Variants in TSC22D1 observed in about 807,000 individuals in gnomAD.
TSC22D1 encodes TSC22 domain family protein 1.
In TSC22D1, 9 loss-of-function variants were observed where a neutral mutation model predicts 74.2. That is an observed-to-expected ratio of 0.12 (90% CI 0.07 to 0.21). The LOEUF (loss-of-function observed/expected upper bound fraction) is 0.21, where lower values mean the gene tolerates loss of function less well. Ranked by LOEUF, TSC22D1 falls within the 10% of genes least tolerant of loss-of-function variation. TSC22D1 has a pLI of 1.00. For missense variants in TSC22D1, 1,427 were observed against 1,304.7 expected, an observed-to-expected ratio of 1.09 and a Z score of -1.44; for synonymous variants, 586 against 492.5, an observed-to-expected ratio of 1.19 and a Z score of -2.51.
chr13:44,539,430 T>C, intron 1 of TSC22D1: 1 of 985,340 alleles, frequency 1.0e-6, no homozygotes, highest in Non-Finnish European at 1.2e-6. Context: ...ACAGAACCTT[T>C]TAAATTACTT....
rs71070905 is a variant in TSC22D1, at chr13:44,444,278, C to CAAAAAAAA, written c.2913-8191_2913-8184dup. On this transcript the variant is annotated intron_variant, in intron 1 of 2. Coordinates refer to ENST00000458659, the MANE Select transcript of TSC22D1 (RefSeq NM_183422.4). Reference sequence around the variant, plus strand: ...TGGGGAACAGAGCAAGACTCTGTCTCAAAAAAAAAAAAAAAAAAAAAAAAA... The same window carrying CAAAAAAAA: ...TGGGGAACAGAGCAAGACTCTGTCTCAAAAAAAAAAAAAAAAAAAAAAAAAAAAAAAAA... Among the ~76,000 whole-genome samples, 126 of 17,582 alleles carry CAAAAAAAA rather than the reference C, an allele frequency of 7.2e-3. 3 individuals are homozygous for CAAAAAAAA. Among genetic ancestry groups the CAAAAAAAA allele is most frequent in the East Asian group, 0.011 (6 of 540 alleles). 11.5% of individuals were successfully genotyped at this position (17,582 alleles called of 152,430 possible). A position where few individuals can be genotyped will look rare whatever the true frequency, so the allele number is the denominator to read the frequency against.
At chr13:44,569,304 G>A (rs73465766) in intron 1 of TSC22D1, among the ~76,000 whole-genome samples, 2 of 145,478 alleles carry the variant, frequency 1.4e-5, no homozygotes, top group East Asian at 2.0e-4. Context: ...TGCTCCTAAC[G>A]AGCAGGCTAT....
intron 1 of TSC22D1, among the ~76,000 whole-genome samples, chr13:44,542,217 T>C (rs992048731): frequency 6.6e-6 from 1 of 152,024 alleles, no homozygotes; most frequent in Non-Finnish European, 1.5e-5. Flanking sequence ...TAATAATATA[T>C]AGGTGAGTGA....
intron 1 of TSC22D1, among the ~76,000 whole-genome samples, chr13:44,465,897 C>T (rs773917325): frequency 1.3e-5 from 2 of 152,148 alleles, no homozygotes; most frequent in East Asian, 1.9e-4. Context: ...CGCTTGAACC[C>T]AGGAGGCAGA....
At position 44,573,578 on chromosome 13, in the gene TSC22D1, T is replaced by C. The variant is rs1883936172; in HGVS notation, c.2497A>G (p.Thr833Ala). The C allele has an allele frequency of 6.2e-7, 1 of 1,614,212 alleles. No homozygotes were observed. Among genetic ancestry groups the C allele is most frequent in the Non-Finnish European group, 8.5e-7 (1 of 1,180,048 alleles). Residue 833 changes from threonine to alanine, a missense_variant, in exon 1 of 3, where the codon ACA becomes GCA. Thr to Ala is a moderately conservative substitution (Grantham distance 58). Around this residue, in one of 3 missense-constraint regions of TSC22D1, gnomAD observed 1,343 missense variants for 1,191.5 expected, o/e 1.13. Transcript: ENST00000458659. ...SLPSASSISV[T>A]SQVSSTGPSG... Reference sequence around the variant, plus strand: ...GGACCAGTTGAACTAACCTGACTTGTAACAGAAATACTACTAGCAGAGGGC... The same window carrying C: ...GGACCAGTTGAACTAACCTGACTTGCAACAGAAATACTACTAGCAGAGGGC...
intron 1 of TSC22D1, among the ~76,000 whole-genome samples, chr13:44,454,686 GTTAT>G (rs1876424771): frequency 6.6e-6 from 1 of 152,010 alleles, no homozygotes; most frequent in Non-Finnish European, 1.5e-5. Context: ...TATTCTACAC[GTTAT>G]GTATATTACC....
intron 1 of TSC22D1, among the ~76,000 whole-genome samples, chr13:44,524,839 C>T (rs767463454): frequency 2.6e-4 from 39 of 152,108 alleles, no homozygotes; most frequent in Non-Finnish European, 7.4e-5. Flanking sequence ...TGCCCAGCTA[C>T]TTCCATGATT....
At chr13:44,450,920 G>A (rs1876077713) in intron 1 of TSC22D1, among the ~76,000 whole-genome samples, 1 of 152,200 alleles carries the variant, frequency 6.6e-6, no homozygotes. Context: ...TGGGGCAGCC[G>A]TTTGGCATAG....
intron 1 of TSC22D1, chr13:44,436,656 GAAA>G (rs753938991): frequency 7.5e-6 from 12 of 1,594,140 alleles, no homozygotes; most frequent in Non-Finnish European, 1.0e-5. Context: ...CACCCTCGTG[GAAA>G]AAAAGAGGGA....
At chr13:44,556,159 T>C (rs962402484) in intron 1 of TSC22D1, among the ~76,000 whole-genome samples, 3 of 151,508 alleles carry the variant, frequency 2.0e-5, no homozygotes, top group African/African-American at 7.3e-5. Context: ...ATTGCTTCAA[T>C]AGCTCCAACA....
intron 1 of TSC22D1, among the ~76,000 whole-genome samples, chr13:44,558,370 G>T (rs115508984): frequency 7.9e-4 from 121 of 152,208 alleles, no homozygotes; most frequent in African/African-American, 2.7e-3. Context: ...ATAATCCTCA[G>T]GTCTCCCATG....
Position 44,433,884 on chromosome 13 carries a change from A to C in TSC22D1, c.*742T>G. On this transcript the variant is annotated 3_prime_UTR_variant, in exon 3 of 3. Transcript: ENST00000458659. Reference sequence around the variant, plus strand: ...TATATATAAAAGTCCACACCTCCTCAGACAGCCAATGAAACAACTAAATTT... The same window carrying C: ...TATATATAAAAGTCCACACCTCCTCCGACAGCCAATGAAACAACTAAATTT... 1 of 1,206,638 alleles carries C rather than the reference A, an allele frequency of 8.3e-7. No individual in the cohort carries two copies. The highest frequency in any genetic ancestry group is 1.5e-5 in the South Asian group (1 of 65,028). The allele number at this position is 1,206,638 out of a possible 1,614,324, so 74.7% of individuals were successfully genotyped here.
intron 1 of TSC22D1, among the ~76,000 whole-genome samples, chr13:44,487,553 T>C (rs1001724306): frequency 2.8e-5 from 4 of 141,582 alleles, no homozygotes; most frequent in Admixed American, 7.0e-5. Flanking sequence ...TTACCAGCCA[T>C]TCCTTTTATG....
At position 44,575,723 on chromosome 13, in the gene TSC22D1, G is replaced by C; in HGVS notation, c.352C>G (p.Pro118Ala). 6.2e-7 allele frequency: 1 copy of C among 1,614,188 alleles called. No homozygotes were observed. Among genetic ancestry groups the C allele is most frequent in the Non-Finnish European group, 8.5e-7 (1 of 1,180,038 alleles). The change falls in exon 1 of 3, where the codon CCT becomes GCT. Residue 118 changes from proline to alanine, a missense_variant. This residue lies in a region of TSC22D1 where 1,343 missense variants were observed against 1,191.5 expected (regional missense o/e 1.13). Coordinates refer to ENST00000458659, the MANE Select transcript of TSC22D1 (RefSeq NM_183422.4). ...CTGATACTAGCGGAGATCTGAGCAG[G>C]AGTAACGCTAGTTATCTGGAAGCCA... The part of the protein sequence containing the change: ...KSGFQITSVT[P>A]AQISASISSN...
chr13:44,542,076 AAAAT>A (rs753863202), intron 1 of TSC22D1, among the ~76,000 whole-genome samples: 15 of 152,114 alleles, frequency 9.9e-5, no homozygotes, highest in Admixed American at 2.6e-4. Context: ...TAACTACTTT[AAAAT>A]AGTTTAAAAC....
At chr13:44,467,092 G>A (rs1257126162) in intron 1 of TSC22D1, among the ~76,000 whole-genome samples, 1 of 152,064 alleles carries the variant, frequency 6.6e-6, no homozygotes, top group Non-Finnish European at 1.5e-5. Context: ...AACACGGGAG[G>A]TGGAGGTTGC....
intron 1 of TSC22D1, among the ~76,000 whole-genome samples, chr13:44,571,445 T>C (rs968863388): frequency 7.9e-5 from 12 of 152,088 alleles, no homozygotes; most frequent in South Asian, 2.1e-4. Context: ...GTCCTACCAA[T>C]AGGAGGAAAA....
At chr13:44,533,914 C>G (rs745308711) in intron 1 of TSC22D1, among the ~76,000 whole-genome samples, 1 of 152,140 alleles carries the variant, frequency 6.6e-6, no homozygotes, top group Non-Finnish European at 1.5e-5. Context: ...ATCACTTTTT[C>G]TACATCAAAA....
intron 1 of TSC22D1, among the ~76,000 whole-genome samples, chr13:44,494,237 G>A (rs770546799): frequency 4.0e-5 from 6 of 151,648 alleles, no homozygotes; most frequent in Admixed American, 1.3e-4. Context: ...TTAGCCAGGC[G>A]TAGTGGTGTG....
Sources: allele counts gnomAD v4.1 joint callset (sites outside exome capture counted in the v4.1 genomes callset), GRCh38; gene constraint gnomAD v4.1.1; regional missense constraint gnomAD v4.1.1; transcripts MANE v1.5; gene names NCBI Gene and HGNC (gene_info 2026-07-23, HGNC 2026-07-21).